CELF2: variants seen among roughly 807,000 people sequenced by gnomAD.
CELF2 encodes the protein CUGBP Elav-like family member 2, also known as CUG triplet repeat RNA-binding protein 2.
CELF2 carries 8 observed loss-of-function variants against 62.6 expected under a neutral mutation model. That is an observed-to-expected ratio of 0.13 (90% CI 0.07 to 0.23). The LOEUF is 0.23. Ranked by LOEUF, CELF2 falls within the 10% of genes least tolerant of loss-of-function variation. CELF2 has a pLI of 1.00. For synonymous variants in CELF2, 258 were observed against 250.0 expected (o/e 1.03, Z -0.30); for missense variants, 333 against 671.0 (o/e 0.50, Z 5.56).
chr10:11,297,497 A>G lies in CELF2; in HGVS notation c.976+8945A>G. Reference sequence around the variant, plus strand: ...GGAGCTTTCTGGGTAGCACAGTGTCAGGGGAGCCAAGCAGGATGGGGCTGG... The same window carrying G: ...GGAGCTTTCTGGGTAGCACAGTGTCGGGGGAGCCAAGCAGGATGGGGCTGG... On this transcript the variant is annotated intron_variant, in intron 9 of 12. Transcript: ENST00000633077. The surrounding 1 kb of genome is among the most constrained non-coding windows in gnomAD (Gnocchi z 4.4). 6.6e-6 allele frequency among the ~76,000 whole-genome samples: 1 copy of G among 152,126 alleles called. No individual in the cohort carries two copies. Among genetic ancestry groups the G allele is most frequent in the East Asian group, 1.9e-4 (1 of 5,168 alleles).
chr10:10,904,383 T>A (rs1477675235), intron 1 of CELF2, among the ~76,000 whole-genome samples: 1 of 151,966 alleles, frequency 6.6e-6, no homozygotes, highest in Non-Finnish European at 1.5e-5. Flanking sequence ...TGTGTCACCA[T>A]GCCTGATAAT....
At chr10:10,573,536 G>C in the CELF2 span, among the ~76,000 whole-genome samples, 3 of 152,128 alleles carry the variant, frequency 2.0e-5, no homozygotes, top group African/African-American at 7.2e-5. Context: ...CCAAAGAGAT[G>C]CAGAATTCTT....
chr10:11,175,186 T>C (rs1190301571), intron 2 of CELF2, among the ~76,000 whole-genome samples: 1 of 152,050 alleles, frequency 6.6e-6, no homozygotes, highest in African/African-American at 2.4e-5. Context: ...GTACCTGATA[T>C]TGGGAAACGT....
the CELF2 span, among the ~76,000 whole-genome samples, chr10:10,575,216 A>T: frequency 2.0e-5 from 3 of 152,180 alleles, no homozygotes; most frequent in Non-Finnish European, 4.4e-5. Context: ...CAAAACGTGA[A>T]TGAAAGAACA....
chr10:10,473,065 C>A, the CELF2 span, among the ~76,000 whole-genome samples: 1 of 151,828 alleles, frequency 6.6e-6, no homozygotes, highest in Non-Finnish European at 1.5e-5. Context: ...ATTGTGCCTC[C>A]CCTCAAAAAA....
the CELF2 span, among the ~76,000 whole-genome samples, chr10:10,552,329 A>T: frequency 6.6e-6 from 1 of 152,256 alleles, no homozygotes; most frequent in Non-Finnish European, 1.5e-5. Flanking sequence ...AATTTTAAGT[A>T]AAGACAGGCA....
Position 11,165,299 on chromosome 10 carries a change from C to T in CELF2, c.75-187C>T. On this transcript the variant is annotated intron_variant, in intron 1 of 12. Transcript: ENST00000633077. The surrounding 1 kb of genome is among the most constrained non-coding windows in gnomAD (Gnocchi z 7.4). ...CAGCACGCAGTGAGAGCCTCGCCGC[C>T]GCCGAGGAGCAACTCATGGTGCCTC... The T allele has an allele frequency of 5.0e-6, 7 of 1,403,652 alleles. No individual in the cohort carries two copies. Among genetic ancestry groups the T allele is most frequent in the Non-Finnish European group, 5.5e-6 (6 of 1,081,356 alleles). 86.9% of individuals were successfully genotyped at this position (1,403,652 alleles called of 1,614,324 possible).
intron 1 of CELF2, among the ~76,000 whole-genome samples, chr10:11,036,400 T>C (rs2060955386): frequency 6.6e-6 from 1 of 152,228 alleles, no homozygotes; most frequent in Non-Finnish European, 1.5e-5. Context: ...CTTCAGCCAT[T>C]TACGCAGTAA....
chr10:11,097,986 T>C (rs1361545384), intron 1 of CELF2: 1 of 152,372 alleles, frequency 6.6e-6, no homozygotes, highest in African/African-American at 2.4e-5. Context: ...AGGGACTGTG[T>C]TCCAGTCAAA....
chr10:11,312,642 G>T (rs937055972), intron 9 of CELF2, among the ~76,000 whole-genome samples: 1 of 152,186 alleles, frequency 6.6e-6, no homozygotes, highest in African/African-American at 2.4e-5. Flanking sequence ...AAATGGAATT[G>T]AAAGACAAAC....
chr10:11,230,033 A>G (rs966312788), intron 3 of CELF2, among the ~76,000 whole-genome samples: 1 of 152,204 alleles, frequency 6.6e-6, no homozygotes, highest in Admixed American at 6.5e-5. Flanking sequence ...CTGGATGTAC[A>G]GGCACTGACT....
At chr10:11,079,386 C>T (rs1280793202) in intron 1 of CELF2, among the ~76,000 whole-genome samples, 1 of 152,120 alleles carries the variant, frequency 6.6e-6, no homozygotes, top group East Asian at 1.9e-4. Context: ...GCAGATGGCC[C>T]ATGGTATGGT....
At chr10:11,016,415 A>G (rs2057268660), upstream of CELF2, among the ~76,000 whole-genome samples, 1 of 152,244 alleles carries the variant, frequency 6.6e-6, no homozygotes, top group African/African-American at 2.4e-5. This position sits in a 1 kb window ranked among gnomAD's most constrained non-coding sequence, Gnocchi z 5.2. Context: ...AGCCAGATAC[A>G]TTGTTCAGCT....
the CELF2 span, among the ~76,000 whole-genome samples, chr10:10,738,504 C>T: frequency 3.3e-5 from 5 of 152,120 alleles, no homozygotes; most frequent in Non-Finnish European, 5.9e-5. Flanking sequence ...TATGACATGA[C>T]GAGAATGCCT....
At chr10:10,751,219 T>G in the CELF2 span, among the ~76,000 whole-genome samples, 1 of 152,218 alleles carries the variant, frequency 6.6e-6, no homozygotes, top group Admixed American at 6.5e-5. Context: ...GATTTTCTGG[T>G]GCCTCTTTGT....
At chr10:10,616,316 G>A in the CELF2 span, among the ~76,000 whole-genome samples, 1 of 151,832 alleles carries the variant, frequency 6.6e-6, no homozygotes, top group Non-Finnish European at 1.5e-5. Flanking sequence ...GTGTGTGTGT[G>A]TGTGTGTGTG....
chr10:10,623,621 A>G, the CELF2 span, among the ~76,000 whole-genome samples: 1 of 152,130 alleles, frequency 6.6e-6, no homozygotes, highest in African/African-American at 2.4e-5. Flanking sequence ...GGATCCAGGA[A>G]GAATGTCTGA....
rs902281149 is a variant in CELF2, at chr10:11,304,825, C to T, written c.977-9314C>T. On this transcript the variant is annotated intron_variant, in intron 9 of 12. Coordinates refer to ENST00000633077, the MANE Select transcript of CELF2 (RefSeq NM_001326342.2). ...ATTCCATCTACAATTTTCTCTTTGC[C>T]ATGTAACCTAACATATTTACAGGTT... Among the ~76,000 whole-genome samples, 9 of 152,198 alleles carry T rather than the reference C, an allele frequency of 5.9e-5. No individual in the cohort carries two copies. The East Asian group carries it at 1.5e-3, about 26-fold the overall frequency.
intron 1 of CELF2, among the ~76,000 whole-genome samples, chr10:10,858,252 A>T (rs12360379): frequency 0.13 from 19,608 of 152,160 alleles, 1,646 homozygotes; most frequent in Non-Finnish European, 0.19. Context: ...TGCCTGAGGG[A>T]TGCCTTAAGG....
Sources: allele counts gnomAD v4.1 joint callset (sites outside exome capture counted in the v4.1 genomes callset), GRCh38; gene constraint gnomAD v4.1.1; non-coding constraint Gnocchi (gnomAD v3.1); transcripts MANE v1.5; gene names NCBI Gene and HGNC (gene_info 2026-07-23, HGNC 2026-07-21).